Variants in MPC2 observed in about 807,000 individuals in gnomAD.
MPC2 encodes brain protein 44.
A neutral mutation model predicts 19.2 loss-of-function variants in MPC2; 19 were observed. The ratio of observed to expected loss-of-function variants is 0.99; its 90% CI spans 0.69 to 1.45. The LOEUF is 1.45. Ranked by LOEUF, MPC2 falls within the 40% of genes most tolerant of loss-of-function variation. The pLI, the probability that MPC2 is intolerant of heterozygous loss-of-function variation, is 0.00. For missense variants in MPC2, 122 were observed against 153.0 expected (o/e 0.80, Z 1.07); for synonymous variants, 61 against 54.3 (o/e 1.12, Z -0.54).
chr1:167,922,668 C>T (rs1245085588), intron 3 of MPC2, among the ~76,000 whole-genome samples: 1 of 152,038 alleles, frequency 6.6e-6, no homozygotes, highest in African/African-American at 2.4e-5. Flanking sequence ...AATCTTGTCA[C>T]TTTATAGTTG....
At chr1:167,936,068 C>CGCCTCCG in intron 1 of MPC2, 170 bp from the exon 2 acceptor site, 2 of 577,840 alleles carry the variant, frequency 3.5e-6, no homozygotes, top group Non-Finnish European at 6.3e-6. Context: ...GCCCCCGGTC[C>CGCCTCCG]GCCTCCGGCC....
chr1:167,930,514 T>A (rs1036810944), intron 2 of MPC2, among the ~76,000 whole-genome samples: 2 of 152,220 alleles, frequency 1.3e-5, no homozygotes, highest in African/African-American at 4.8e-5. Flanking sequence ...CTTTCCCCAA[T>A]GAAATCTGAG....
chr1:167,926,936 T>A (rs1346775641), intron 2 of MPC2, among the ~76,000 whole-genome samples: 3 of 152,212 alleles, frequency 2.0e-5, no homozygotes, highest in Non-Finnish European at 4.4e-5. Context: ...GCTAAATTGC[T>A]CCTTCTCTTA....
chr1:167,918,950 T>C, intron 5 of MPC2, among the ~76,000 whole-genome samples: 1 of 152,140 alleles, frequency 6.6e-6, no homozygotes, highest in East Asian at 1.9e-4. Context: ...AAGTATTATT[T>C]TAATAAAAAT....
At chr1:167,918,591 A>C (rs1423402353) in intron 5 of MPC2, among the ~76,000 whole-genome samples, 1 of 144,162 alleles carries the variant, frequency 6.9e-6, no homozygotes, top group Non-Finnish European at 1.5e-5. Context: ...CAACTGCCAA[A>C]AACTTTTTTT....
intron 3 of MPC2, among the ~76,000 whole-genome samples, chr1:167,922,043 G>T (rs1670616700): frequency 6.6e-6 from 1 of 152,138 alleles, no homozygotes; most frequent in Non-Finnish European, 1.5e-5. Context: ...TAGAACATAT[G>T]TGGCTTGCAG....
chr1:167,920,158 A>G, intron 4 of MPC2, 68 bp from the exon 5 acceptor site: 1 of 961,756 alleles, frequency 1.0e-6, no homozygotes, highest in Non-Finnish European at 1.6e-6. Context: ...AATACTTAAT[A>G]TTGAGTAAAG....
At chr1:167,932,897 G>T (rs1337550352) in intron 2 of MPC2, among the ~76,000 whole-genome samples, 5 of 151,994 alleles carry the variant, frequency 3.3e-5, no homozygotes, top group Admixed American at 3.3e-4. Flanking sequence ...ACAAACACTG[G>T]AGTACAGCTA....
At chr1:167,920,504 T>C in intron 4 of MPC2, 43 bp downstream of exon 4, 2 of 1,592,314 alleles carry the variant, frequency 1.3e-6, no homozygotes, top group Non-Finnish European at 1.7e-6. Context: ...ACAAAAATCA[T>C]TTATGTTCTA....
At chr1:167,920,163 G>C in intron 4 of MPC2, 73 bp from the exon 5 acceptor site, 1 of 907,048 alleles carries the variant, frequency 1.1e-6, no homozygotes, top group East Asian at 2.5e-5. Context: ...TTAATATTGA[G>C]TAAAGTAATT....
At chr1:167,929,161 C>G (rs755796996) in intron 2 of MPC2, among the ~76,000 whole-genome samples, 1 of 151,044 alleles carries the variant, frequency 6.6e-6, no homozygotes, top group Non-Finnish European at 1.5e-5. Context: ...GAGTTTGAGA[C>G]TAGCCTGACC....
chr1:167,924,521 G>A lies in MPC2; in HGVS notation c.126C>T (p.Phe42=), dbSNP rs9618. The change falls in exon 3 of 6, where the codon TTC becomes TTT. Residue 42 remains phenylalanine, a synonymous_variant. Coordinates refer to ENST00000271373, the MANE Select transcript of MPC2 (RefSeq NM_001143674.4). The part of the protein sequence containing the change: ...YNHPAGPRTV[F]FWAPIMKWGL... Reference sequence around the variant, plus strand: ...CCCATTTCATAATTGGAGCCCAGAAGAAAACTGTTCTGGGACCTGAAAAAA... The same window carrying A: ...CCCATTTCATAATTGGAGCCCAGAAAAAAACTGTTCTGGGACCTGAAAAAA... The A allele has an allele frequency of 0.35, 552,486 of 1,563,170 alleles. 103,008 individuals carry two copies. The highest frequency in any genetic ancestry group is 0.61 in the African/African-American group (43,771 of 71,808).
chr1:167,924,211 T>C (rs1256450354), intron 3 of MPC2, among the ~76,000 whole-genome samples: 1 of 152,222 alleles, frequency 6.6e-6, no homozygotes, highest in Admixed American at 6.5e-5. Flanking sequence ...TTTTACTTAG[T>C]AATAACATTT....
chr1:167,918,844 C>T lies in MPC2; in HGVS notation c.348-485G>A, dbSNP rs143486869. Among the ~76,000 whole-genome samples the T allele has an allele frequency of 2.1e-3, 318 of 152,074 alleles. 2 individuals carry two copies. The highest frequency in any genetic ancestry group is 7.2e-3 in the African/African-American group (297 of 41,478). ...TCCTGACCTTGTGGTCTGCCTGCCT[C>T]GGCCTCCCAAAGTGCTGGGATTACA... is the stretch of plus-strand genomic sequence containing the variant. On this transcript the variant is annotated intron_variant, in intron 5 of 5. Transcript: ENST00000271373.
At chr1:167,925,095 C>T (rs1670699309) in intron 2 of MPC2, among the ~76,000 whole-genome samples, 1 of 152,116 alleles carries the variant, frequency 6.6e-6, no homozygotes, top group Non-Finnish European at 1.5e-5. Context: ...TAATGCTACA[C>T]ATTCTGTCTT....
intron 5 of MPC2, 72 bp from the exon 6 acceptor site, chr1:167,918,431 A>G: frequency 1.1e-6 from 1 of 951,746 alleles, no homozygotes; most frequent in South Asian, 1.5e-5. Context: ...GAGAATGGGA[A>G]GCATACTCCA....
intron 2 of MPC2, among the ~76,000 whole-genome samples, chr1:167,935,069 T>G (rs761404188): frequency 6.6e-6 from 1 of 152,184 alleles, no homozygotes; most frequent in Non-Finnish European, 1.5e-5. Flanking sequence ...AACAGAGATC[T>G]AGGCTTTTGC....
chr1:167,925,611 A>G (rs1215778468), intron 2 of MPC2, among the ~76,000 whole-genome samples: 2 of 149,370 alleles, frequency 1.3e-5, no homozygotes, highest in South Asian at 4.2e-4. Flanking sequence ...CAATGGCACA[A>G]TCTCGGCTCA....
chr1:167,925,519 CG>C (rs199575189), intron 2 of MPC2, among the ~76,000 whole-genome samples: 1,831 of 111,280 alleles, frequency 0.016, 50 homozygotes, highest in African/African-American at 0.056. Flanking sequence ...ATACAAACAA[CG>C]TTTTTTTTTT....
Sources: gnomAD v4.1 joint callset for allele counts (sites outside exome capture counted in the v4.1 genomes callset) on GRCh38, gnomAD v4.1.1 for gene constraint, MANE v1.5 for transcripts, NCBI Gene and HGNC (gene_info 2026-07-23, HGNC 2026-07-21) for gene names.